The following NAV2 variants were observed in gnomAD, a reference collection of about 807,000 sequenced individuals.
NAV2 encodes helicase, APC down-regulated 1.
Under a neutral mutation model 223.2 loss-of-function variants are expected in NAV2, and 54 were observed. The ratio of observed to expected loss-of-function variants is 0.24; its 90% CI spans 0.19 to 0.30. The LOEUF is 0.30. Among genes scored for constraint, NAV2 ranks in the 10% least tolerant of loss-of-function variants. The pLI, the probability that NAV2 is intolerant of heterozygous loss-of-function variation, is 1.00. For missense variants in NAV2, 2,806 were observed against 3,147.5 expected, an observed-to-expected ratio of 0.89 and a Z score of 2.60; for synonymous variants, 1,279 against 1,239.3, an observed-to-expected ratio of 1.03 and a Z score of -0.67.
At chr11:19,407,653 T>C (rs1424753154) in intron 1 of NAV2, among the ~76,000 whole-genome samples, 3 of 152,164 alleles carry the variant, frequency 2.0e-5, no homozygotes, top group African/African-American at 7.2e-5. Flanking sequence ...CTTCAGCCTT[T>C]GGGACTTGTA....
chr11:19,980,952 A>C (rs916713665), intron 10 of NAV2, among the ~76,000 whole-genome samples: 1 of 152,208 alleles, frequency 6.6e-6, no homozygotes, highest in Non-Finnish European at 1.5e-5. Flanking sequence ...TTCAAAGAAT[A>C]TTGTTGTTTA....
intron 1 of NAV2, among the ~76,000 whole-genome samples, chr11:19,535,325 G>T (rs780630334): frequency 5.5e-4 from 83 of 152,290 alleles, no homozygotes; most frequent in Middle Eastern, 3.4e-3. Flanking sequence ...GAGTAAGGCT[G>T]CAGGGGAGTA....
intron 1 of NAV2, among the ~76,000 whole-genome samples, chr11:19,629,578 C>G (rs1164564184): frequency 1.4e-5 from 2 of 146,356 alleles, no homozygotes; most frequent in African/African-American, 2.6e-5. Flanking sequence ...CACACACACA[C>G]AGCCTAGGAG....
intron 1 of NAV2, among the ~76,000 whole-genome samples, chr11:19,687,777 ATG>A (rs2049063784): frequency 2.2e-4 from 1 of 4,590 alleles, no homozygotes; most frequent in African/African-American, 2.8e-4. Flanking sequence ...GCATGTGTGT[ATG>A]CATGCGTGTG....
chr11:19,786,458 C>T (rs2057126855), intron 1 of NAV2, among the ~76,000 whole-genome samples: 1 of 152,210 alleles, frequency 6.6e-6, no homozygotes, highest in African/African-American at 2.4e-5. Context: ...TTCAGTGTTT[C>T]AATATAATGC....
chr11:19,812,327 C>A lies in NAV2; in HGVS notation c.268-20157C>A, dbSNP rs1037740932. ...TCAAATATTACCTGCTTAGAGAGGC[C>A]ATTCTTGATTTCCCAACCACATTAT... On this transcript the variant is annotated intron_variant, in intron 1 of 37. Transcript: ENST00000349880. 2.6e-5 allele frequency among the ~76,000 whole-genome samples: 4 copies of A among 152,144 alleles called. No individual in the cohort carries two copies. In the East Asian group the frequency reaches 7.7e-4, roughly 29 times the overall value.
At position 19,994,847 on chromosome 11, in the gene NAV2, G is replaced by T. The variant is rs1002500945; in HGVS notation, c.2768+10600G>T. The stretch of plus-strand genomic sequence containing the variant: ...CCAGATAGAAGCTTTCAATGTCAAG[G>T]TTGGGTTTGTTCAGAATCATCAATT... On this transcript the variant is annotated intron_variant, in intron 11 of 37. Coordinates refer to ENST00000349880, the MANE Select transcript of NAV2 (RefSeq NM_145117.5). Among the ~76,000 whole-genome samples, 7 of 152,306 alleles carry T rather than the reference G, an allele frequency of 4.6e-5. No homozygotes were observed. The East Asian group carries it at 1.3e-3, about 29-fold the overall frequency.
At chr11:19,521,167 C>T (rs927729975) in intron 1 of NAV2, among the ~76,000 whole-genome samples, 1 of 152,162 alleles carries the variant, frequency 6.6e-6, no homozygotes, top group Non-Finnish European at 1.5e-5. Flanking sequence ...GAGAACTCTT[C>T]CACTTGGGTC....
At chr11:19,587,312 C>T (rs866271166) in intron 1 of NAV2, among the ~76,000 whole-genome samples, 38 of 152,340 alleles carry the variant, frequency 2.5e-4, no homozygotes, top group South Asian at 2.1e-4. Flanking sequence ...AATTCCCTGA[C>T]CCCTTGCACA....
chr11:19,802,370 T>G (rs2058321370), intron 1 of NAV2, among the ~76,000 whole-genome samples: 1 of 152,154 alleles, frequency 6.6e-6, no homozygotes, highest in African/African-American at 2.4e-5. Flanking sequence ...CAGGAGCGCC[T>G]GTGCTCTTTT....
intron 1 of NAV2, among the ~76,000 whole-genome samples, chr11:19,638,847 G>T (rs1483250487): frequency 6.6e-6 from 1 of 152,132 alleles, no homozygotes; most frequent in African/African-American, 2.4e-5. Context: ...ACAAAAGTTA[G>T]CCAGGCGTGG....
At chr11:19,966,493 T>C (rs906328979) in intron 10 of NAV2, among the ~76,000 whole-genome samples, 3 of 151,982 alleles carry the variant, frequency 2.0e-5, no homozygotes, top group African/African-American at 7.2e-5. Flanking sequence ...TTTCCTGCCA[T>C]CTCCTTCATC....
At chr11:19,407,335 A>G (rs541468954) in intron 1 of NAV2, among the ~76,000 whole-genome samples, 1 of 152,300 alleles carries the variant, frequency 6.6e-6, no homozygotes, top group Admixed American at 6.5e-5. Flanking sequence ...GACAAGCAGC[A>G]CCGAATGCCA....
chr11:19,351,043 T>C (rs371811414), intron 1 of NAV2: 2 of 1,538,484 alleles, frequency 1.3e-6, no homozygotes, highest in South Asian at 2.4e-5. Flanking sequence ...TGGCAGAACT[T>C]TGTTGGTTGA....
At chr11:19,761,676 C>T (rs547778793) in intron 1 of NAV2, among the ~76,000 whole-genome samples, 90 of 152,218 alleles carry the variant, frequency 5.9e-4, no homozygotes, top group Non-Finnish European at 1.1e-3. Context: ...TGTCCACTGA[C>T]GTAGCCATTT....
chr11:20,102,172 G>A (rs922962942), intron 32 of NAV2, among the ~76,000 whole-genome samples: 1 of 152,134 alleles, frequency 6.6e-6, no homozygotes, highest in African/African-American at 2.4e-5. Context: ...GGCTCCGCAG[G>A]CATGGGGAGC....
chr11:19,849,399 C>A (rs942428819), intron 3 of NAV2, among the ~76,000 whole-genome samples: 2 of 152,198 alleles, frequency 1.3e-5, no homozygotes, highest in Non-Finnish European at 2.9e-5. Flanking sequence ...CTGGAAAGGG[C>A]CTGAGTTGAC....
chr11:19,972,552 A>T (rs1473575391), intron 10 of NAV2, among the ~76,000 whole-genome samples: 1 of 152,186 alleles, frequency 6.6e-6, no homozygotes, highest in Non-Finnish European at 1.5e-5. Context: ...TAGCATAGAA[A>T]ACCATACACC....
intron 29 of NAV2, among the ~76,000 whole-genome samples, chr11:20,094,223 CTTTTTTT>C (rs61099684): frequency 4.5e-5 from 4 of 88,498 alleles, no homozygotes; most frequent in South Asian, 4.8e-4. Flanking sequence ...TTTTCTTTAT[CTTTTTTT>C]TTTTTTTTTT....
Sources: allele counts gnomAD v4.1 joint callset (sites outside exome capture counted in the v4.1 genomes callset), GRCh38; gene constraint gnomAD v4.1.1; transcripts MANE v1.5; gene names NCBI Gene and HGNC (gene_info 2026-07-23, HGNC 2026-07-21).